Variants in MALRD1 observed in about 807,000 individuals in gnomAD.
The protein encoded by MALRD1 is MAM and LDL-receptor class A domain-containing protein 1.
In MALRD1, 247 loss-of-function variants were observed where a neutral mutation model predicts 242.1. That is an observed-to-expected ratio of 1.02 (90% CI 0.92 to 1.13). The LOEUF is 1.13. MALRD1 is among the 50% of genes most tolerant of loss of function. MALRD1 has a pLI of 0.00. For missense variants in MALRD1, 2,989 were observed against 2,533.1 expected, an observed-to-expected ratio of 1.18 and a Z score of -3.86; for synonymous variants, 995 against 866.6, an observed-to-expected ratio of 1.15 and a Z score of -2.60.
At chr10:19,653,105 G>A (rs1463248325) in intron 36 of MALRD1, among the ~76,000 whole-genome samples, 1 of 152,170 alleles carries the variant, frequency 6.6e-6, no homozygotes, top group Admixed American at 6.5e-5. Context: ...AGTCTTGAGT[G>A]TTTTGGGAAG....
intron 36 of MALRD1, among the ~76,000 whole-genome samples, chr10:19,624,203 T>G (rs1474417051): frequency 2.6e-5 from 4 of 152,094 alleles, no homozygotes; most frequent in African/African-American, 7.2e-5. Context: ...AAAATACATG[T>G]CCATAAGGCT....
chr10:19,352,850 T>G (rs1844453107), intron 26 of MALRD1, among the ~76,000 whole-genome samples: 1 of 152,126 alleles, frequency 6.6e-6, no homozygotes, highest in East Asian at 1.9e-4. Flanking sequence ...TTCAGTATAA[T>G]TCCTACAGAT....
chr10:19,366,904 T>G lies in MALRD1; in HGVS notation c.4441+14607T>G, dbSNP rs115614181. 2.9e-3 allele frequency among the ~76,000 whole-genome samples: 448 copies of G among 152,254 alleles called. 3 individuals are homozygous for G. Among genetic ancestry groups the G allele is most frequent in the African/African-American group, 0.01 (418 of 41,558 alleles). On this transcript the variant is annotated intron_variant, in intron 26 of 39. Coordinates refer to ENST00000454679, the MANE Select transcript of MALRD1 (RefSeq NM_001142308.3). ...GTTGCCCCACATCTTCACCAGTATT[T>G]GGTTTGTCAGTGTCTTTAAGTTTAG...
At chr10:19,514,565 G>C (rs1440893694) in intron 31 of MALRD1, among the ~76,000 whole-genome samples, 2 of 152,036 alleles carry the variant, frequency 1.3e-5, no homozygotes, top group Non-Finnish European at 2.9e-5. Context: ...GATTAAAATA[G>C]GATTACAGGG....
intron 7 of MALRD1, among the ~76,000 whole-genome samples, chr10:19,127,639 T>C (rs548493542): frequency 6.6e-6 from 1 of 152,306 alleles, no homozygotes; most frequent in South Asian, 2.1e-4. Flanking sequence ...ACAGCTCAAA[T>C]TGGTTTTAAA....
rs183276129 is a variant in MALRD1 at position 19,070,031 on chromosome 10, G to A, written c.340+3172G>A. Among the ~76,000 whole-genome samples, 6 of 152,032 alleles carry A rather than the reference G, an allele frequency of 3.9e-5. No individual in the cohort carries two copies. In the East Asian group the frequency reaches 7.7e-4, roughly 20 times the overall value. On this transcript the variant is annotated intron_variant, in intron 2 of 39. Coordinates refer to ENST00000454679, the MANE Select transcript of MALRD1 (RefSeq NM_001142308.3). ...TAACATGCTGTTAGATGAAATCTCC[G>A]CATATATTTTGATTTTGTTTTCTGG... is the stretch of plus-strand genomic sequence containing the variant.
At chr10:19,634,132 C>G (rs373835899) in intron 36 of MALRD1, among the ~76,000 whole-genome samples, 2 of 151,910 alleles carry the variant, frequency 1.3e-5, no homozygotes, top group African/African-American at 4.8e-5. Flanking sequence ...TGAGCCACCC[C>G]ACCCGGCTAC....
intron 26 of MALRD1, among the ~76,000 whole-genome samples, chr10:19,386,905 C>T (rs1264487620): frequency 6.6e-6 from 1 of 152,080 alleles, no homozygotes; most frequent in Non-Finnish European, 1.5e-5. Flanking sequence ...ATTGCTTTTT[C>T]TCATGTTTTG....
At chr10:19,263,020 T>C (rs1433131311) in intron 19 of MALRD1, among the ~76,000 whole-genome samples, 1 of 152,220 alleles carries the variant, frequency 6.6e-6, no homozygotes, top group Non-Finnish European at 1.5e-5. Context: ...ATTTTCTTTA[T>C]CCATTCATCT....
chr10:19,595,771 A>G (rs1002553140), intron 34 of MALRD1, among the ~76,000 whole-genome samples: 3 of 152,128 alleles, frequency 2.0e-5, no homozygotes, highest in Non-Finnish European at 4.4e-5. Flanking sequence ...GTGGTGTGAG[A>G]AGTTCAGTTA....
chr10:19,106,224 T>C (rs1029516942), intron 5 of MALRD1, among the ~76,000 whole-genome samples: 19 of 151,956 alleles, frequency 1.3e-4, no homozygotes, highest in Admixed American at 3.9e-4. Flanking sequence ...TCAATTTGTT[T>C]TTAACTCTCA....
At chr10:19,612,830 G>T (rs975211068) in intron 35 of MALRD1, among the ~76,000 whole-genome samples, 1 of 151,830 alleles carries the variant, frequency 6.6e-6, no homozygotes, top group South Asian at 2.1e-4. Context: ...GCACTAGGGG[G>T]ATGGTGGTGA....
Position 19,655,556 on chromosome 10 carries a change from ATATATATATATATATG to A in MALRD1, c.6138-36725_6138-36710del, listed in dbSNP as rs1341273745. Among the ~76,000 whole-genome samples the A allele has an allele frequency of 1.3e-4, 17 of 134,526 alleles. No homozygotes were observed. The East Asian group carries it at 3.6e-3, about 28-fold the overall frequency. 88.3% of individuals were successfully genotyped at this position (134,526 alleles called of 152,430 possible). ...TATATATATATATATATATATATAT[ATATATATATATATATG>A]GAGATAATTTTATTCACAATTCTAA... On this transcript the variant is annotated intron_variant, in intron 36 of 39. Coordinates refer to ENST00000454679, the MANE Select transcript of MALRD1 (RefSeq NM_001142308.3).
rs376582240 is a variant in MALRD1 at position 19,485,592 on chromosome 10, C to G, written c.5030-5925C>G. 2.7e-5 allele frequency among the ~76,000 whole-genome samples: 4 copies of G among 150,864 alleles called. No homozygotes were observed. In the South Asian group the frequency reaches 8.4e-4, roughly 32 times the overall value. Reference sequence around the variant, plus strand: ...AAGGAGGCGGACCTTGCAGTGAGCCCAGATCGCGCCACTGCACTCCAGCCT... The same window carrying G: ...AAGGAGGCGGACCTTGCAGTGAGCCGAGATCGCGCCACTGCACTCCAGCCT... On this transcript the variant is annotated intron_variant, in intron 29 of 39. Transcript: ENST00000454679.
intron 28 of MALRD1, among the ~76,000 whole-genome samples, chr10:19,390,294 G>C (rs1239461955): frequency 6.6e-6 from 1 of 152,176 alleles, no homozygotes; most frequent in Non-Finnish European, 1.5e-5. Context: ...CAATCATTAA[G>C]GGAAGTAATA....
chr10:19,603,906 T>A (rs1457895223), intron 34 of MALRD1, among the ~76,000 whole-genome samples: 3 of 152,114 alleles, frequency 2.0e-5, no homozygotes, highest in Non-Finnish European at 4.4e-5. Context: ...TTCTGACTGC[T>A]CCACCAACCA....
intron 26 of MALRD1, among the ~76,000 whole-genome samples, chr10:19,358,165 C>T (rs1474897643): frequency 6.8e-6 from 1 of 146,430 alleles, no homozygotes; most frequent in Non-Finnish European, 1.5e-5. Context: ...TTTAATAAAA[C>T]CTATATATAT....
chr10:19,607,895 C>A lies in MALRD1; in HGVS notation c.6063C>A (p.Ser2021Arg), dbSNP rs1564480811. 2.6e-6 allele frequency: 4 copies of A among 1,549,686 alleles called. No homozygotes were observed. The highest frequency in any genetic ancestry group is 2.4e-5 in the East Asian group (1 of 40,864). The change falls in exon 35 of 40, where the codon AGC (serine) becomes AGA (arginine). Residue 2021 changes from serine (S) to arginine (R), a missense_variant. Transcript: ENST00000454679. ...TGGATTTCCAGCTTGATGAGTCCAG[C>A]TGCTCCGGTACCCCATTTCCATTCA... ...DCMDFQLDESSCSECPLNYCR... is the reference protein window; with the variant it reads ...DCMDFQLDESRCSECPLNYCR...
chr10:19,142,254 G>C (rs1212259919), intron 10 of MALRD1, among the ~76,000 whole-genome samples: 1 of 148,226 alleles, frequency 6.7e-6, no homozygotes, highest in African/African-American at 2.5e-5. Flanking sequence ...AAAATATTTA[G>C]TGTAGCAATG....
Sources: gnomAD v4.1 joint callset for allele counts (sites outside exome capture counted in the v4.1 genomes callset) on GRCh38, gnomAD v4.1.1 for gene constraint, MANE v1.5 for transcripts, NCBI Gene and HGNC (gene_info 2026-07-23, HGNC 2026-07-21) for gene names.